The following FHAD1 variants were observed in gnomAD, a reference collection of about 807,000 sequenced individuals.
The protein encoded by FHAD1 is forkhead-associated domain-containing protein 1.
A neutral mutation model predicts 191.3 loss-of-function variants in FHAD1; 146 were observed. That is an observed-to-expected ratio of 0.76 (90% CI 0.67 to 0.88). The LOEUF is 0.88. FHAD1 is among the 40% of genes least tolerant of loss of function. FHAD1 has a pLI of 0.00. For synonymous variants in FHAD1, 616 were observed against 672.3 expected (o/e 0.92, Z 1.29); for missense variants, 1,635 against 1,785.8 (o/e 0.92, Z 1.52).
At chr1:15,353,144 G>T (rs1160518388) in intron 20 of FHAD1, among the ~76,000 whole-genome samples, 160 bp downstream of exon 20, 1 of 152,082 alleles carries the variant, frequency 6.6e-6, no homozygotes, top group African/African-American at 2.4e-5. Flanking sequence ...CCCCACTTAT[G>T]AAATACACTC....
At chr1:15,306,198 C>G (rs1369286829) in intron 6 of FHAD1, among the ~76,000 whole-genome samples, 1 of 152,186 alleles carries the variant, frequency 6.6e-6, no homozygotes, top group Non-Finnish European at 1.5e-5. Flanking sequence ...TGGCATTTTG[C>G]CCCTGCCCTA....
intron 20 of FHAD1, 101 bp from the exon 21 acceptor site, chr1:15,358,009 G>C (rs1023322224): frequency 5.1e-6 from 4 of 791,870 alleles, no homozygotes; most frequent in East Asian, 3.0e-5. Flanking sequence ...AGAATAATTA[G>C]AGAATAGACT....
intron 2 of FHAD1, among the ~76,000 whole-genome samples, chr1:15,268,359 T>C (rs1573810567): frequency 2.0e-5 from 3 of 151,692 alleles, no homozygotes; most frequent in Admixed American, 2.0e-4. Flanking sequence ...TATTCAATGG[T>C]GTATATGTGC....
At chr1:15,383,422 C>T (rs1386578286) in intron 31 of FHAD1, 6 of 371,988 alleles carry the variant, frequency 1.6e-5, no homozygotes, top group Admixed American at 1.3e-4. Flanking sequence ...GCCTCAGACC[C>T]GGTAGGGTCT....
chr1:15,342,363 C>G (rs749900026), intron 16 of FHAD1, among the ~76,000 whole-genome samples: 2 of 152,196 alleles, frequency 1.3e-5, no homozygotes, highest in Non-Finnish European at 2.9e-5. Flanking sequence ...CTCGAACGTG[C>G]CCATGAATTG....
chr1:15,336,935 T>C (rs7549759), intron 14 of FHAD1, among the ~76,000 whole-genome samples: 39,250 of 152,108 alleles, frequency 0.26, 5,785 homozygotes, highest in South Asian at 0.36. Flanking sequence ...CTAACGAGGG[T>C]GTTTTCTCCT....
chr1:15,395,985 A>G (rs192035918), intron 33 of FHAD1, among the ~76,000 whole-genome samples: 87 of 152,268 alleles, frequency 5.7e-4, no homozygotes, highest in Non-Finnish European at 1.1e-3. Context: ...TGAATGTGTT[A>G]CTGTAAGAAC....
At chr1:15,269,254 G>C (rs1244712504) in intron 2 of FHAD1, among the ~76,000 whole-genome samples, 3 of 151,992 alleles carry the variant, frequency 2.0e-5, no homozygotes, top group African/African-American at 7.3e-5. Context: ...TAGAAACTTT[G>C]ATTATTGATT....
intron 20 of FHAD1, among the ~76,000 whole-genome samples, chr1:15,354,543 C>G (rs1274540860): frequency 6.6e-6 from 1 of 152,104 alleles, no homozygotes; most frequent in African/African-American, 2.4e-5. Flanking sequence ...CAGTCTCTTC[C>G]CAAGCAGCCG....
In FHAD1 at chr1:15,312,566, G is replaced by A. The variant is rs1391941058; in HGVS notation, c.1040-491G>A. On this transcript the variant is annotated intron_variant, in intron 7 of 33. Transcript: ENST00000688493. The surrounding 1 kb of genome is among the most constrained non-coding windows in gnomAD (Gnocchi z 4.7). ...AGTCCTAGCTACTTGGGAGGCCAAG[G>A]CAGGAGGATCGCCTGAGTCCAGGAG... Among the ~76,000 whole-genome samples the A allele has an allele frequency of 6.6e-6, 1 of 152,224 alleles. No homozygotes were observed. Among genetic ancestry groups the A allele is most frequent in the Non-Finnish European group, 1.5e-5 (1 of 68,044 alleles).
downstream of FHAD1, among the ~76,000 whole-genome samples, chr1:15,398,933 G>T (rs1439120288): frequency 6.6e-6 from 1 of 151,842 alleles, no homozygotes; most frequent in Non-Finnish European, 1.5e-5. Context: ...CCATTCTTCA[G>T]CCTCAGCCTC....
intron 15 of FHAD1, 25 bp downstream of exon 15, chr1:15,339,576 C>T: frequency 1.6e-6 from 2 of 1,212,296 alleles, no homozygotes; most frequent in Non-Finnish European, 2.2e-6. Context: ...TTCTTTTTTT[C>T]CAAAGTTCAT....
At chr1:15,398,537 G>T (rs932873993), downstream of FHAD1, among the ~76,000 whole-genome samples, 1 of 152,000 alleles carries the variant, frequency 6.6e-6, no homozygotes, top group African/African-American at 2.4e-5. Context: ...TTGAACCCAG[G>T]TTTCTAATTC....
At chr1:15,331,193 C>T (rs78872457) in intron 14 of FHAD1, among the ~76,000 whole-genome samples, 2 of 152,032 alleles carry the variant, frequency 1.3e-5, no homozygotes, top group East Asian at 3.9e-4. Context: ...GTGTGAGGTG[C>T]CTGTGAGACA....
chr1:15,401,133 CA>C (rs1707115554), downstream of FHAD1, among the ~76,000 whole-genome samples: 1 of 152,328 alleles, frequency 6.6e-6, no homozygotes, highest in Non-Finnish European at 1.5e-5. Flanking sequence ...TTGTAAACAA[CA>C]GATACCTCCT....
At chr1:15,258,915 A>G (rs1649668358) in intron 2 of FHAD1, among the ~76,000 whole-genome samples, 1 of 152,138 alleles carries the variant, frequency 6.6e-6, no homozygotes. Context: ...CAGTTCTTTC[A>G]GATCCATACC....
At chr1:15,363,630 A>T (rs1695505065) in intron 23 of FHAD1, 1 of 382,018 alleles carries the variant, frequency 2.6e-6, no homozygotes, top group Non-Finnish European at 5.1e-6. Flanking sequence ...CAGAGATTTC[A>T]AACAGTGGAG....
chr1:15,296,516 G>A, intron 4 of FHAD1, 168 bp from the exon 5 acceptor site: 1 of 665,022 alleles, frequency 1.5e-6, no homozygotes, highest in Non-Finnish European at 2.7e-6. Context: ...GCCTCCCAAA[G>A]TGCTGGGATT....
chr1:15,338,146 C>A (rs2102114219), intron 14 of FHAD1, among the ~76,000 whole-genome samples: 1 of 152,248 alleles, frequency 6.6e-6, no homozygotes, highest in Non-Finnish European at 1.5e-5. Context: ...ACCACCCCCA[C>A]ATCCCGGTGT....
Sources: allele counts gnomAD v4.1 joint callset (sites outside exome capture counted in the v4.1 genomes callset), GRCh38; gene constraint gnomAD v4.1.1; non-coding constraint Gnocchi (gnomAD v3.1); transcripts MANE v1.5; gene names NCBI Gene and HGNC (gene_info 2026-07-23, HGNC 2026-07-21).